ARPP21: variants seen among roughly 807,000 people sequenced by gnomAD.
The protein encoded by ARPP21 is cAMP-regulated phosphoprotein 21.
Under a neutral mutation model 113.2 loss-of-function variants are expected in ARPP21, and 69 were observed. That is an observed-to-expected ratio of 0.61 (90% confidence interval 0.50 to 0.74). ARPP21 has a LOEUF of 0.74. ARPP21 is among the 30% of genes least tolerant of loss of function. The probability of loss-of-function intolerance (pLI) is 0.00; values close to 1 mark genes in which losing one functional copy is unlikely to be tolerated. For synonymous variants in ARPP21, 368 were observed against 375.5 expected (o/e 0.98, Z 0.23); for missense variants, 1,070 against 1,037.4 (o/e 1.03, Z -0.43).
Position 35,771,487 on chromosome 3 carries a change from C to G in ARPP21, c.2138-20895C>G, listed in dbSNP as rs1406464745. ...GGGACTACAGGCGCCCATCATCATG[C>G]CTGGCTAATTTTTGTATTTTTAGTA... On this transcript the variant is annotated intron_variant, in intron 19 of 20. Coordinates refer to ENST00000684406, the MANE Select transcript of ARPP21 (RefSeq NM_001385562.1). 3.3e-5 allele frequency among the ~76,000 whole-genome samples: 5 copies of G among 151,994 alleles called. No individual in the cohort carries two copies. The East Asian group carries it at 9.7e-4, about 29-fold the overall frequency.
At chr3:35,707,678 G>T (rs1052713272) in intron 10 of ARPP21, 19 of 394,130 alleles carry the variant, frequency 4.8e-5, no homozygotes, top group Admixed American at 2.5e-4. Context: ...TTTGCATGAA[G>T]TGTAGCAGAA....
chr3:35,683,719 C>G lies in ARPP21; in HGVS notation c.172-7C>G, dbSNP rs767177658. The G allele has an allele frequency of 5.6e-6, 6 of 1,068,506 alleles. No homozygotes were observed. In the East Asian group the frequency reaches 7.1e-5, roughly 13 times the overall value. The allele number at this position is 1,068,506 out of a possible 1,614,324, so 66.2% of individuals were successfully genotyped here. On this transcript the variant is annotated splice_region_variant and splice_polypyrimidine_tract_variant and intron_variant, in intron 4 of 20. Transcript: ENST00000684406. ...CCTTTCCTTCCCTTTTCTTTCCCCC[C>G]TCCTAGTCAGGAGCAGGAAAAGGTA...
intron 1 of ARPP21, among the ~76,000 whole-genome samples, chr3:35,665,307 A>G (rs922475967): frequency 1.3e-5 from 2 of 152,158 alleles, no homozygotes; most frequent in Admixed American, 1.3e-4. Flanking sequence ...TAATATGATA[A>G]CAAGATCATA....
At chr3:35,676,337 T>A (rs1432585527) in intron 1 of ARPP21, among the ~76,000 whole-genome samples, 1 of 120,026 alleles carries the variant, frequency 8.3e-6, no homozygotes, top group Admixed American at 8.4e-5. Flanking sequence ...TCCAGGTTAC[T>A]ACACTTAAAA....
chr3:35,736,311 T>TGCACTTTGCTCTTCTCCTTTCA (rs2094347129), intron 15 of ARPP21, among the ~76,000 whole-genome samples: 1 of 152,196 alleles, frequency 6.6e-6, no homozygotes. Flanking sequence ...GCTCCTTGAC[T>TGCACTTTGCTCTTCTCCTTTCA]GCACTTTGCT....
chr3:35,728,825 C>T (rs1559764954), intron 14 of ARPP21, among the ~76,000 whole-genome samples: 1 of 152,122 alleles, frequency 6.6e-6, no homozygotes, highest in South Asian at 2.1e-4. Flanking sequence ...GTATAGGTGT[C>T]GGAGAACCAG....
chr3:35,759,904 A>G (rs988551299), intron 19 of ARPP21, among the ~76,000 whole-genome samples: 6 of 152,066 alleles, frequency 3.9e-5, no homozygotes, highest in Non-Finnish European at 7.4e-5. Context: ...TGTTCTTATA[A>G]TATGGCCAAC....
At chr3:35,681,316 G>A (rs2078854930) in intron 2 of ARPP21, 1 of 156,468 alleles carries the variant, frequency 6.4e-6, no homozygotes, top group Non-Finnish European at 1.4e-5. Flanking sequence ...AGTCATCTTA[G>A]AGATGCTGCA....
chr3:35,750,288 A>G (rs2095357055), intron 19 of ARPP21, among the ~76,000 whole-genome samples: 1 of 151,746 alleles, frequency 6.6e-6, no homozygotes, highest in Non-Finnish European at 1.5e-5. Context: ...TCATTTGTAT[A>G]TATTTTTAAA....
At chr3:35,758,025 T>C (rs1011696621) in intron 19 of ARPP21, among the ~76,000 whole-genome samples, 1 of 152,154 alleles carries the variant, frequency 6.6e-6, no homozygotes, top group Admixed American at 6.6e-5. Context: ...TGTTTTTACA[T>C]ACTTGTGGAA....
intron 19 of ARPP21, among the ~76,000 whole-genome samples, chr3:35,755,366 C>T (rs1483398811): frequency 6.6e-6 from 1 of 151,990 alleles, no homozygotes; most frequent in African/African-American, 2.4e-5. Flanking sequence ...ATCTTTAACT[C>T]TTGACTGTAC....
intron 1 of ARPP21, among the ~76,000 whole-genome samples, chr3:35,657,263 A>G (rs1002308308): frequency 6.6e-6 from 1 of 152,080 alleles, no homozygotes; most frequent in African/African-American, 2.4e-5. Context: ...AGAAATTGCC[A>G]TCCATTCACA....
chr3:35,745,779 T>C (rs2095000476), intron 19 of ARPP21, among the ~76,000 whole-genome samples: 1 of 152,174 alleles, frequency 6.6e-6, no homozygotes, highest in South Asian at 2.1e-4. Context: ...TAAAGCACAA[T>C]GGGAGAATTT....
chr3:35,759,590 A>G (rs959975663), intron 19 of ARPP21, among the ~76,000 whole-genome samples: 1 of 152,042 alleles, frequency 6.6e-6, no homozygotes, highest in African/African-American at 2.4e-5. Flanking sequence ...AGTCTTCCGC[A>G]TAAGTAGAAA....
At chr3:35,652,449 C>T (rs780954340) in intron 1 of ARPP21, among the ~76,000 whole-genome samples, 37 of 152,142 alleles carry the variant, frequency 2.4e-4, no homozygotes, top group Middle Eastern at 3.4e-3. Context: ...TCACTGAAAA[C>T]ATTACCTCAT....
intron 15 of ARPP21, 129 bp downstream of exon 15, chr3:35,729,665 T>C: frequency 2.7e-6 from 2 of 746,774 alleles, no homozygotes; most frequent in Non-Finnish European, 4.5e-6. Context: ...TGAACTGTTA[T>C]GAAGCATTTT....
rs1187578037 is a variant in ARPP21 at position 35,640,008 on chromosome 3, G to A, written c.-603G>A. 6.6e-6 allele frequency: 1 copy of A among 152,276 alleles called. No homozygotes were observed. The highest frequency in any genetic ancestry group is 1.9e-4 in the East Asian group (1 of 5,156). The allele number at this position is 152,276 out of a possible 1,614,324, so 9.4% of individuals were successfully genotyped here. ...ACGGACAGAAGAGCAGACAGGAGGCGGGGGCGCGTTCACTCCCGGCGGCCA... is the reference window on the plus strand; with the variant it reads ...ACGGACAGAAGAGCAGACAGGAGGCAGGGGCGCGTTCACTCCCGGCGGCCA... On this transcript the variant is annotated 5_prime_UTR_variant, in exon 1 of 21. Coordinates refer to ENST00000684406, the MANE Select transcript of ARPP21 (RefSeq NM_001385562.1).
intron 19 of ARPP21, among the ~76,000 whole-genome samples, chr3:35,751,306 G>C (rs543821850): frequency 6.6e-6 from 1 of 152,154 alleles, no homozygotes; most frequent in South Asian, 2.1e-4. Context: ...TGGGTAAAAA[G>C]CAGTTTCATA....
intron 9 of ARPP21, among the ~76,000 whole-genome samples, chr3:35,704,256 T>G (rs2087751585): frequency 6.6e-6 from 1 of 151,828 alleles, no homozygotes; most frequent in Non-Finnish European, 1.5e-5. Context: ...TTGGGAAATA[T>G]TTTTGCTCTA....
Sources: allele counts gnomAD v4.1 joint callset (sites outside exome capture counted in the v4.1 genomes callset), GRCh38; gene constraint gnomAD v4.1.1; transcripts MANE v1.5; gene names NCBI Gene and HGNC (gene_info 2026-07-23, HGNC 2026-07-21).